GALK2: variants seen among roughly 807,000 people sequenced by gnomAD.
GALK2 encodes the protein N-acetylgalactosamine kinase.
In GALK2, 36 loss-of-function variants were observed where a neutral mutation model predicts 52.4. That is an observed-to-expected ratio of 0.69 (90% CI 0.53 to 0.91). The LOEUF (loss-of-function observed/expected upper bound fraction) is 0.91. Among genes scored for constraint, GALK2 ranks in the 40% least tolerant of loss-of-function variants. The pLI is 0.00. For missense variants in GALK2, 579 were observed against 559.1 expected, an observed-to-expected ratio of 1.04 and a Z score of -0.36; for synonymous variants, 176 against 199.1, an observed-to-expected ratio of 0.88 and a Z score of 0.98.
chr15:49,228,672 TA>T (rs2090287925), intron 3 of GALK2, among the ~76,000 whole-genome samples: 1 of 11,978 alleles, frequency 8.3e-5, no homozygotes, highest in African/African-American at 3.5e-4. Flanking sequence ...TATATATATA[TA>T]TATATATATA....
chr15:49,281,300 G>A (rs1218304254), intron 5 of GALK2, among the ~76,000 whole-genome samples: 1 of 152,220 alleles, frequency 6.6e-6, no homozygotes, highest in Non-Finnish European at 1.5e-5. Flanking sequence ...AACTGGATAA[G>A]AATGGTAAAT....
At chr15:49,253,720 G>A (rs960194919) in intron 5 of GALK2, among the ~76,000 whole-genome samples, 7 of 144,098 alleles carry the variant, frequency 4.9e-5, no homozygotes, top group Non-Finnish European at 1.6e-5. Context: ...CTGGAGCCTA[G>A]CTATAGGAGT....
chr15:49,354,688 T>C (rs1236780665), intron 3 of GALK2, among the ~76,000 whole-genome samples: 1 of 152,212 alleles, frequency 6.6e-6, no homozygotes, highest in Non-Finnish European at 1.5e-5. Context: ...TGCCCAGGCT[T>C]GATTAGGTAA....
chr15:49,327,842 G>A (rs188838086), intron 9 of GALK2, 110 bp from the exon 10 acceptor site: 155 of 970,294 alleles, frequency 1.6e-4, no homozygotes, highest in African/African-American at 1.6e-3. Flanking sequence ...TAAAAACCCC[G>A]CATGTATTTT....
intron 5 of GALK2, among the ~76,000 whole-genome samples, chr15:49,269,797 T>C (rs1261932864): frequency 6.6e-6 from 1 of 152,232 alleles, no homozygotes; most frequent in Non-Finnish European, 1.5e-5. Flanking sequence ...TTAGCCCTTT[T>C]CATTCTTGGA....
chr15:49,198,728 G>A (rs977201558), intron 1 of GALK2, among the ~76,000 whole-genome samples: 3 of 151,016 alleles, frequency 2.0e-5, no homozygotes, highest in African/African-American at 7.3e-5. Flanking sequence ...TTTTTAATAG[G>A]TGGACTTTTT....
downstream of GALK2, chr15:49,335,524 T>C: frequency 6.4e-7 from 1 of 1,555,358 alleles, no homozygotes; most frequent in Non-Finnish European, 8.9e-7. Flanking sequence ...AAGGAATGAT[T>C]TTCAATTAGG....
chr15:49,225,681 C>G (rs368086501), intron 3 of GALK2, among the ~76,000 whole-genome samples: 3 of 152,310 alleles, frequency 2.0e-5, no homozygotes, highest in East Asian at 1.9e-4. Flanking sequence ...GTGTTTCACT[C>G]CTCTCTGTCT....
chr15:49,250,073 G>T (rs1397672807), intron 5 of GALK2, among the ~76,000 whole-genome samples: 5 of 152,170 alleles, frequency 3.3e-5, no homozygotes, highest in Non-Finnish European at 7.3e-5. Context: ...TGTCTCCTTT[G>T]TTTGGTGTAC....
chr15:49,286,362 T>C (rs1344355834), intron 7 of GALK2, among the ~76,000 whole-genome samples: 1 of 152,172 alleles, frequency 6.6e-6, no homozygotes, highest in African/African-American at 2.4e-5. Context: ...ATTTCACAGT[T>C]TTTTACAAGT....
chr15:49,267,904 T>G (rs1377441722), intron 5 of GALK2, among the ~76,000 whole-genome samples: 1 of 152,218 alleles, frequency 6.6e-6, no homozygotes, highest in Admixed American at 6.5e-5. Flanking sequence ...TTTTCTGTTA[T>G]AAAACTCTGA....
chr15:49,366,692 G>T (rs8033184), intron 3 of GALK2: 1 of 1,452,986 alleles, frequency 6.9e-7, no homozygotes, highest in African/African-American at 1.4e-5. Flanking sequence ...CATCGGACTG[G>T]TGGGTGGCGG....
intron 1 of GALK2, among the ~76,000 whole-genome samples, chr15:49,179,652 C>CTTTTTTTTTTTTTT (rs71875041): frequency 7.2e-6 from 1 of 138,180 alleles, no homozygotes. Flanking sequence ...TTGTTTCTTT[C>CTTTTTTTTTTTTTT]TTTTTTTTTT....
chr15:49,267,734 ATTT>A (rs1270436705), intron 5 of GALK2, among the ~76,000 whole-genome samples: 1 of 152,070 alleles, frequency 6.6e-6, no homozygotes, highest in East Asian at 1.9e-4. Context: ...TTATTGGCAT[ATTT>A]TTCTTGAATA....
chr15:49,361,643 T>G (rs1251041548), intron 3 of GALK2, among the ~76,000 whole-genome samples: 1 of 151,612 alleles, frequency 6.6e-6, no homozygotes, highest in Non-Finnish European at 1.5e-5. Context: ...TACCTAGTCC[T>G]GTTGATGGGC....
chr15:49,198,408 A>G (rs143544305), intron 1 of GALK2, among the ~76,000 whole-genome samples: 1 of 152,314 alleles, frequency 6.6e-6, no homozygotes, highest in Admixed American at 6.5e-5. Context: ...CACTGTTCCA[A>G]ATGACCTTAT....
intron 1 of GALK2, among the ~76,000 whole-genome samples, chr15:49,176,384 T>C (rs1218529389): frequency 6.6e-6 from 1 of 152,258 alleles, no homozygotes; most frequent in Non-Finnish European, 1.5e-5. Flanking sequence ...TCAGAGGGTA[T>C]ATTCATGTTA....
intron 8 of GALK2, chr15:49,318,070 T>C (rs1315867467): frequency 6.6e-6 from 1 of 151,676 alleles, no homozygotes; most frequent in Non-Finnish European, 1.5e-5. Flanking sequence ...AAAAAAAAAA[T>C]TATAGACTTT....
chr15:49,331,050 A>G lies in GALK2; in HGVS notation c.*2891A>G, dbSNP rs2038634242. The G allele has an allele frequency of 6.6e-6, 1 of 152,238 alleles. No homozygotes were observed. The highest frequency in any genetic ancestry group is 2.4e-5 in the African/African-American group (1 of 41,452). The allele number at this position is 152,238 out of a possible 1,614,324, so 9.4% of individuals were successfully genotyped here. A position where few individuals can be genotyped will look rare whatever the true frequency, so the allele number is the denominator to read the frequency against. Reference sequence around the variant, plus strand: ...AACACCCAGGTGTTTCACTCTTTCTATCACTTTTCTGCCCCATGTAGGAAT... The same window carrying G: ...AACACCCAGGTGTTTCACTCTTTCTGTCACTTTTCTGCCCCATGTAGGAAT... On this transcript the variant is annotated 3_prime_UTR_variant, in exon 10 of 10. Coordinates refer to ENST00000560031, the MANE Select transcript of GALK2 (RefSeq NM_002044.4).
Sources: allele counts gnomAD v4.1 joint callset (sites outside exome capture counted in the v4.1 genomes callset), GRCh38; gene constraint gnomAD v4.1.1; transcripts MANE v1.5; gene names NCBI Gene and HGNC (gene_info 2026-07-23, HGNC 2026-07-21).